Variants in TRPC1 observed in about 807,000 individuals in gnomAD.
TRPC1 encodes transient receptor potential cation channel subfamily C member 1.
In TRPC1, 42 loss-of-function variants were observed where a neutral mutation model predicts 88.2. The ratio of observed to expected loss-of-function variants is 0.48; its 90% confidence interval spans 0.37 to 0.62. TRPC1 has a LOEUF of 0.62. Among genes scored for constraint, TRPC1 ranks in the 20% least tolerant of loss-of-function variants. The pLI is 0.00. For missense variants in TRPC1, 699 were observed against 957.3 expected, an observed-to-expected ratio of 0.73 and a Z score of 3.56; for synonymous variants, 288 against 331.8, an observed-to-expected ratio of 0.87 and a Z score of 1.43.
intron 7 of TRPC1, among the ~76,000 whole-genome samples, chr3:142,785,548 C>T (rs1936107115): frequency 6.6e-6 from 1 of 152,180 alleles, no homozygotes; most frequent in South Asian, 2.1e-4. Flanking sequence ...GTCGCCCAGG[C>T]TGGAGTGCAA....
At chr3:142,789,071 G>T (rs1387809697) in intron 7 of TRPC1, among the ~76,000 whole-genome samples, 1 of 152,080 alleles carries the variant, frequency 6.6e-6, no homozygotes, top group Non-Finnish European at 1.5e-5. Flanking sequence ...TTCTTAGTTT[G>T]ATGTTTTAAA....
intron 1 of TRPC1, among the ~76,000 whole-genome samples, chr3:142,734,604 A>G (rs1243454572): frequency 6.6e-6 from 1 of 152,172 alleles, no homozygotes; most frequent in Non-Finnish European, 1.5e-5. Flanking sequence ...AGAATGGCTG[A>G]AAATACTGAA....
chr3:142,792,705 G>C lies in TRPC1; in HGVS notation c.1438-119G>C. On this transcript the variant is annotated intron_variant, in intron 8 of 12. Transcript: ENST00000476941. This position sits in a 1 kb window ranked among gnomAD's most constrained non-coding sequence, Gnocchi z 4.0. ...TAAAAAACCCTATAAAACATAAGTG[G>C]AGATCCCCTATAAGAAGACAAAATT... The C allele has an allele frequency of 1.2e-6, 1 of 838,918 alleles. No individual in the cohort carries two copies. Among genetic ancestry groups the C allele is most frequent in the Non-Finnish European group, 1.7e-6 (1 of 597,912 alleles). 52.0% of individuals were successfully genotyped at this position (838,918 alleles called of 1,614,324 possible). A position where few individuals can be genotyped will look rare whatever the true frequency, so the allele number is the denominator to read the frequency against.
In TRPC1 at chr3:142,748,355, C is replaced by A; in HGVS notation, c.527C>A (p.Thr176Lys). 4 of 1,614,108 alleles carry A rather than the reference C, an allele frequency of 2.5e-6. No homozygotes were observed. The highest frequency in any genetic ancestry group is 3.4e-6 in the Non-Finnish European group (4 of 1,179,968). Residue 176 changes from threonine to lysine, a missense_variant, in exon 4 of 13, where the codon ACA (threonine) becomes AAA (lysine). Transcript: ENST00000476941. ...AAHRNNYEIL[T>K]MLLKQDVSLP... The stretch of plus-strand genomic sequence containing the variant: ...CATCGTAACAACTATGAAATTCTTA[C>A]AATGCTCTTAAAACAGGATGTATCT...
At chr3:142,766,442 C>T in intron 4 of TRPC1, among the ~76,000 whole-genome samples, 1 of 151,004 alleles carries the variant, frequency 6.6e-6, no homozygotes, top group Non-Finnish European at 1.5e-5. Flanking sequence ...ACTGTGTCAC[C>T]CAGACTGGAG....
intron 3 of TRPC1, 57 bp from the exon 4 acceptor site, chr3:142,748,201 A>G (rs1934627174): frequency 7.2e-7 from 1 of 1,385,606 alleles, no homozygotes. Flanking sequence ...CTTCAGATAA[A>G]TATATTTTTT....
At chr3:142,805,924 T>TTG in intron 12 of TRPC1, 84 bp from the exon 13 acceptor site, 2 of 1,198,824 alleles carry the variant, frequency 1.7e-6, no homozygotes, top group Non-Finnish European at 2.4e-6. Context: ...AAAGATGTGT[T>TTG]TGTGTCTGTG....
chr3:142,743,450 TC>T, intron 2 of TRPC1, 34 bp from the exon 3 acceptor site: 1 of 1,410,972 alleles, frequency 7.1e-7, no homozygotes, highest in Non-Finnish European at 9.4e-7. Flanking sequence ...CTTTTTATCT[TC>T]CATTTTCATT....
intron 4 of TRPC1, among the ~76,000 whole-genome samples, chr3:142,768,449 C>A (rs1357434621): frequency 2.0e-5 from 3 of 151,962 alleles, no homozygotes; most frequent in African/African-American, 7.2e-5. Context: ...TTTTTCCAAC[C>A]CTTTATTTTC....
chr3:142,763,870 A>G (rs943357899), intron 4 of TRPC1, among the ~76,000 whole-genome samples: 3 of 150,442 alleles, frequency 2.0e-5, no homozygotes, highest in African/African-American at 7.3e-5. Flanking sequence ...TATCATTACC[A>G]TGATTCTTGC....
rs1447968236 is a variant in TRPC1, at chr3:142,807,015, T to A, written c.*780T>A. The A allele has an allele frequency of 6.6e-6, 1 of 152,136 alleles. No homozygotes were observed. Among genetic ancestry groups the A allele is most frequent in the Non-Finnish European group, 1.5e-5 (1 of 68,008 alleles). The allele number at this position is 152,136 out of a possible 1,614,324, so 9.4% of individuals were successfully genotyped here. ...GTTTTATTTTTTAGCTATTCAGTTATGTTTATAAGTTTGCATAGCTACTTC... is the reference window on the plus strand; with the variant it reads ...GTTTTATTTTTTAGCTATTCAGTTAAGTTTATAAGTTTGCATAGCTACTTC... On this transcript the variant is annotated 3_prime_UTR_variant, in exon 13 of 13. Coordinates refer to ENST00000476941, the MANE Select transcript of TRPC1 (RefSeq NM_001251845.2).
intron 1 of TRPC1, among the ~76,000 whole-genome samples, chr3:142,728,354 A>G (rs1474454065): frequency 7.0e-6 from 1 of 142,670 alleles, no homozygotes; most frequent in Non-Finnish European, 1.5e-5. Context: ...TTTTTTTGAG[A>G]TGGAGTTTCT....
At chr3:142,736,629 T>C (rs1214540134) in intron 2 of TRPC1, 96 bp downstream of exon 2, 1 of 1,111,456 alleles carries the variant, frequency 9.0e-7, no homozygotes, top group Non-Finnish European at 1.2e-6. Flanking sequence ...TTTTTCCTCC[T>C]CTTCTTCCTT....
intron 9 of TRPC1, among the ~76,000 whole-genome samples, chr3:142,798,405 C>T (rs142696467): frequency 1.3e-5 from 2 of 152,082 alleles, no homozygotes; most frequent in East Asian, 3.9e-4. Context: ...AGTATGAAGT[C>T]AAAAATACTG....
intron 7 of TRPC1, among the ~76,000 whole-genome samples, chr3:142,790,368 G>A (rs746735203): frequency 7.2e-5 from 11 of 152,176 alleles, no homozygotes; most frequent in Non-Finnish European, 1.3e-4. Context: ...TGGGATTTAA[G>A]GGAGGGTGCA....
intron 9 of TRPC1, among the ~76,000 whole-genome samples, chr3:142,797,541 T>A (rs183643214): frequency 6.6e-6 from 1 of 152,236 alleles, no homozygotes; most frequent in East Asian, 1.9e-4. Context: ...TATCTAACTG[T>A]CTTGCTTTTC....
In TRPC1 at chr3:142,792,741, T is replaced by A; in HGVS notation, c.1438-83T>A. On this transcript the variant is annotated intron_variant, in intron 8 of 12. Transcript: ENST00000476941. This position sits in a 1 kb window ranked among gnomAD's most constrained non-coding sequence, Gnocchi z 4.0. ...TAAGAAGACAAAATTAAAATGGCTT[T>A]CTTTCAACAGTCAGAATATTTGCTT... 1 of 1,384,586 alleles carries A rather than the reference T, an allele frequency of 7.2e-7. No homozygotes were observed. Among genetic ancestry groups the A allele is most frequent in the African/African-American group, 1.5e-5 (1 of 67,472 alleles). 85.8% of individuals were successfully genotyped at this position (1,384,586 alleles called of 1,614,324 possible).
chr3:142,781,175 G>A (rs1460992506), intron 6 of TRPC1, 146 bp downstream of exon 6: 2 of 557,884 alleles, frequency 3.6e-6, no homozygotes, highest in African/African-American at 1.9e-5. Flanking sequence ...TATTGAATCT[G>A]TTTGAGCTTT....
intron 4 of TRPC1, 132 bp from the exon 5 acceptor site, chr3:142,777,488 GAGGTTATCTTGT>G (rs1361820955): frequency 2.1e-6 from 1 of 468,648 alleles, no homozygotes; most frequent in African/African-American, 2.0e-5. Context: ...TCTTTTTATG[GAGGTTATCTTGT>G]AATAAATATA....
Sources: allele counts gnomAD v4.1 joint callset (sites outside exome capture counted in the v4.1 genomes callset), GRCh38; gene constraint gnomAD v4.1.1; non-coding constraint Gnocchi (gnomAD v3.1); transcripts MANE v1.5; gene names NCBI Gene and HGNC (gene_info 2026-07-23, HGNC 2026-07-21).